The following RALGPS2 variants were observed in gnomAD, a reference collection of about 807,000 sequenced individuals.
RALGPS2 encodes the protein Ral GEF with PH domain and SH3 binding motif 2, also known as ras-specific guanine nucleotide-releasing factor RalGPS2.
A neutral mutation model predicts 86.8 loss-of-function variants in RALGPS2; 43 were observed. That is an observed-to-expected ratio of 0.50 (90% confidence interval 0.39 to 0.64). The LOEUF is 0.64. RALGPS2 is among the 30% of genes least tolerant of loss of function. RALGPS2 has a pLI of 0.00. For missense variants in RALGPS2, 536 were observed against 694.6 expected (o/e 0.77, Z 2.57); for synonymous variants, 243 against 231.3 (o/e 1.05, Z -0.46).
intron 1 of RALGPS2, among the ~76,000 whole-genome samples, chr1:178,748,032 C>CA (rs1651436807): frequency 6.6e-6 from 1 of 152,190 alleles, no homozygotes; most frequent in African/African-American, 2.4e-5. Context: ...AAAATGCTAA[C>CA]ATACAGTCTG....
At chr1:178,893,570 G>T (rs1216170848) in intron 15 of RALGPS2, among the ~76,000 whole-genome samples, 1 of 150,800 alleles carries the variant, frequency 6.6e-6, no homozygotes, top group Non-Finnish European at 1.5e-5. Flanking sequence ...TGGAAAATAA[G>T]GTTGCAACAG....
At chr1:178,747,126 C>A in intron 1 of RALGPS2, 1 of 945,448 alleles carries the variant, frequency 1.1e-6, no homozygotes, top group Non-Finnish European at 1.7e-6. Flanking sequence ...ATGTTAATAT[C>A]ATCTCCTTTT....
chr1:178,808,422 A>G (rs1654835951), intron 5 of RALGPS2, among the ~76,000 whole-genome samples: 1 of 151,928 alleles, frequency 6.6e-6, no homozygotes, highest in African/African-American at 2.4e-5. Context: ...TTCTCTTCAG[A>G]TGTGTTTTAT....
intron 8 of RALGPS2, chr1:178,869,183 T>A (rs1344434354): frequency 1.3e-5 from 2 of 152,052 alleles, no homozygotes; most frequent in African/African-American, 2.4e-5. Context: ...TTGGGTTAAT[T>A]TTATTAGTAG....
At chr1:178,890,663 T>C (rs1659680085) in intron 14 of RALGPS2, among the ~76,000 whole-genome samples, 1 of 151,974 alleles carries the variant, frequency 6.6e-6, no homozygotes, top group Admixed American at 6.6e-5. Flanking sequence ...ATTTTTTATG[T>C]GACTTCATAA....
intron 4 of RALGPS2, among the ~76,000 whole-genome samples, chr1:178,799,598 G>A (rs188740836): frequency 6.6e-6 from 1 of 152,210 alleles, no homozygotes; most frequent in African/African-American, 2.4e-5. Context: ...TGGAAAATGA[G>A]AACCCCTTTT....
chr1:178,885,923 A>G, intron 12 of RALGPS2, 46 bp from the exon 13 acceptor site: 1 of 1,470,648 alleles, frequency 6.8e-7, no homozygotes, highest in Non-Finnish European at 9.2e-7. Flanking sequence ...CAGTTTTTAA[A>G]TTAGTAACAA....
At chr1:178,817,845 A>G (rs1299381236) in intron 6 of RALGPS2, among the ~76,000 whole-genome samples, 4 of 152,192 alleles carry the variant, frequency 2.6e-5, no homozygotes, top group African/African-American at 4.8e-5. Flanking sequence ...TAGACAGCCA[A>G]TGTTCTGATA....
intron 8 of RALGPS2, among the ~76,000 whole-genome samples, chr1:178,834,715 T>C (rs1027897034): frequency 1.3e-5 from 2 of 152,232 alleles, no homozygotes; most frequent in Admixed American, 6.5e-5. Flanking sequence ...AGCTGGATAT[T>C]AGGAGAAAGA....
Position 178,916,462 on chromosome 1 carries a change from GA to G in RALGPS2, c.*104del. On this transcript the variant is annotated 3_prime_UTR_variant, in exon 20 of 20. Coordinates refer to ENST00000367635, the MANE Select transcript of RALGPS2 (RefSeq NM_152663.5). ...ACCATCCTGTGCCAGGAAGAGCCCA[GA>G]GGCTCTGTCTCAGTCGTTGGAGTTC... is the stretch of plus-strand genomic sequence containing the variant. 15 of 1,111,082 alleles carry G rather than the reference GA, an allele frequency of 1.4e-5. No individual in the cohort carries two copies. The highest frequency in any genetic ancestry group is 1.9e-5 in the Non-Finnish European group (15 of 771,284). 68.8% of individuals were successfully genotyped at this position (1,111,082 alleles called of 1,614,324 possible). A position where few individuals can be genotyped will look rare whatever the true frequency, so the allele number is the denominator to read the frequency against.
chr1:178,875,877 G>T (rs1259044303), intron 8 of RALGPS2, among the ~76,000 whole-genome samples: 1 of 152,174 alleles, frequency 6.6e-6, no homozygotes, highest in Non-Finnish European at 1.5e-5. Context: ...AATTACAGTT[G>T]AGATTTCGGA....
At chr1:178,848,670 T>C (rs1336650078) in intron 8 of RALGPS2, among the ~76,000 whole-genome samples, 3 of 152,234 alleles carry the variant, frequency 2.0e-5, no homozygotes, top group Non-Finnish European at 1.5e-5. Context: ...TTTTGTTTTT[T>C]GAGAAAGAGT....
chr1:178,888,332 G>A (rs1659577424), intron 13 of RALGPS2, among the ~76,000 whole-genome samples: 1 of 152,016 alleles, frequency 6.6e-6, no homozygotes, highest in Admixed American at 6.6e-5. Flanking sequence ...ATACACACAC[G>A]AGTTTTTCCC....
At chr1:178,831,005 T>C (rs948119670) in intron 7 of RALGPS2, among the ~76,000 whole-genome samples, 1 of 152,218 alleles carries the variant, frequency 6.6e-6, no homozygotes, top group Non-Finnish European at 1.5e-5. Context: ...CACAACTTCA[T>C]GGATGAAGCT....
intron 4 of RALGPS2, among the ~76,000 whole-genome samples, chr1:178,801,594 G>C (rs112734305): frequency 2.0e-5 from 3 of 152,158 alleles, no homozygotes; most frequent in African/African-American, 7.2e-5. Flanking sequence ...TGGAAAGTCC[G>C]TCCAATTCTT....
intron 8 of RALGPS2, among the ~76,000 whole-genome samples, chr1:178,864,747 A>G (rs1428758178): frequency 6.6e-6 from 1 of 152,188 alleles, no homozygotes; most frequent in African/African-American, 2.4e-5. Context: ...CACAGAATAC[A>G]TTAAGTTTTT....
At chr1:178,825,685 T>C (rs1357355873) in intron 7 of RALGPS2, among the ~76,000 whole-genome samples, 1 of 152,164 alleles carries the variant, frequency 6.6e-6, no homozygotes, top group Non-Finnish European at 1.5e-5. Context: ...ATGGTAGCCA[T>C]TAGCTACATG....
At chr1:178,793,168 T>C (rs543012469) in intron 4 of RALGPS2, among the ~76,000 whole-genome samples, 17 of 152,324 alleles carry the variant, frequency 1.1e-4, no homozygotes, top group African/African-American at 3.6e-4. Flanking sequence ...AGAAGACTTG[T>C]ATTTTTGTTT....
rs777726293 is a variant in RALGPS2 at position 178,885,163 on chromosome 1, G to A, written c.992G>A (p.Arg331Gln). ...CTCCCACAGACACCGCCATCCCCTC[G>A]GAATCTGATTCCACATGGACATAGG... is the stretch of plus-strand genomic sequence containing the variant. ...ALLPQTPPSPRNLIPHGHRKC... is the reference protein window; with the variant it reads ...ALLPQTPPSPQNLIPHGHRKC... Residue 331 changes from arginine to glutamine, a missense_variant, in exon 12 of 20, where the codon CGG becomes CAG. Transcript: ENST00000367635. The A allele has an allele frequency of 6.2e-6, 10 of 1,613,764 alleles. No individual in the cohort carries two copies. In the Admixed American group the frequency reaches 1.0e-4, roughly 16 times the overall value.
Sources: gnomAD v4.1 joint callset for allele counts (sites outside exome capture counted in the v4.1 genomes callset) on GRCh38, gnomAD v4.1.1 for gene constraint, MANE v1.5 for transcripts, NCBI Gene and HGNC (gene_info 2026-07-23, HGNC 2026-07-21) for gene names.